The following LSAMP variants were observed in gnomAD, a reference collection of about 807,000 sequenced individuals.
LSAMP encodes limbic system associated membrane protein.
A neutral mutation model predicts 38.6 loss-of-function variants in LSAMP; 7 were observed. The ratio of observed to expected loss-of-function variants is 0.18; its 90% CI spans 0.10 to 0.34. The LOEUF (loss-of-function observed/expected upper bound fraction) is 0.34, where lower values mean the gene tolerates loss of function less well. Ranked by LOEUF, LSAMP falls within the 10% of genes least tolerant of loss-of-function variation. LSAMP has a pLI of 1.00. For missense variants in LSAMP, 313 were observed against 420.0 expected (o/e 0.75, Z 2.23); for synonymous variants, 154 against 166.8 (o/e 0.92, Z 0.59).
chr3:116,291,298 TGCCATATGGTTTG>T (rs1339117391), intron 1 of LSAMP, among the ~76,000 whole-genome samples: 1 of 152,168 alleles, frequency 6.6e-6, no homozygotes. Context: ...TTGAGGACTC[TGCCATATGGTTTG>T]GCCATATGGG....
intron 1 of LSAMP, among the ~76,000 whole-genome samples, chr3:116,435,453 T>C (rs1055527343): frequency 2.0e-5 from 3 of 151,888 alleles, no homozygotes; most frequent in Non-Finnish European, 4.4e-5. Flanking sequence ...CTGTTATTTC[T>C]CCTTATTCTG....
At chr3:115,832,441 A>C (rs185394567) in intron 6 of LSAMP, among the ~76,000 whole-genome samples, 1 of 152,224 alleles carries the variant, frequency 6.6e-6, no homozygotes, top group Non-Finnish European at 1.5e-5. Context: ...GATACCTTGC[A>C]TTATAGCTAT....
rs143671358 is a variant in LSAMP at position 115,964,779 on chromosome 3, A to G, written c.514+54736T>C. On this transcript the variant is annotated intron_variant, in intron 3 of 6. Transcript: ENST00000490035. Reference sequence around the variant, plus strand: ...TGAATGGGGATATTTCTAAAAAGGTAACATTAACAATAGTAACAATATTAT... The same window carrying G: ...TGAATGGGGATATTTCTAAAAAGGTGACATTAACAATAGTAACAATATTAT... Among the ~76,000 whole-genome samples the G allele has an allele frequency of 3.5e-3, 538 of 152,282 alleles. 6 individuals carry two copies. The highest frequency in any genetic ancestry group is 0.012 in the African/African-American group (505 of 41,574).
At chr3:116,158,237 C>T (rs1050411262) in intron 1 of LSAMP, among the ~76,000 whole-genome samples, 2 of 152,136 alleles carry the variant, frequency 1.3e-5, no homozygotes, top group African/African-American at 2.4e-5. Context: ...GACAAACCCA[C>T]AGCCAACATT....
chr3:116,400,214 T>C (rs2048820263), intron 1 of LSAMP, among the ~76,000 whole-genome samples: 1 of 152,160 alleles, frequency 6.6e-6, no homozygotes, highest in Admixed American at 6.5e-5. Context: ...GTTTCCCTTT[T>C]TTCTCACAGC....
chr3:115,879,334 C>T (rs1392275618), intron 3 of LSAMP, among the ~76,000 whole-genome samples: 2 of 152,036 alleles, frequency 1.3e-5, no homozygotes, highest in South Asian at 2.1e-4. Flanking sequence ...ATCATAAATA[C>T]ACAAATAAAA....
intron 1 of LSAMP, among the ~76,000 whole-genome samples, chr3:116,439,483 C>A (rs1024581942): frequency 7.9e-5 from 12 of 151,772 alleles, no homozygotes; most frequent in Admixed American, 6.6e-5. Context: ...GGAGGTCAAG[C>A]AATCTGCTAT....
chr3:116,249,413 T>G (rs1370705411), intron 1 of LSAMP, among the ~76,000 whole-genome samples: 1 of 150,356 alleles, frequency 6.7e-6, no homozygotes, highest in Non-Finnish European at 1.5e-5. Context: ...GAGATGGGAG[T>G]CTCACTCTGT....
At chr3:116,107,147 A>G (rs760620389) in intron 1 of LSAMP, among the ~76,000 whole-genome samples, 28 of 152,152 alleles carry the variant, frequency 1.8e-4, no homozygotes, top group Non-Finnish European at 3.4e-4. Context: ...GGCGGATCAG[A>G]GAGATACAGT....
At chr3:116,118,279 A>T (rs1263098128) in intron 1 of LSAMP, among the ~76,000 whole-genome samples, 1 of 152,100 alleles carries the variant, frequency 6.6e-6, no homozygotes, top group East Asian at 1.9e-4. Context: ...TCTTATTTTA[A>T]TTGCTCCCCA....
intron 1 of LSAMP, among the ~76,000 whole-genome samples, chr3:116,263,631 A>G (rs1685156289): frequency 6.6e-6 from 1 of 151,834 alleles, no homozygotes; most frequent in Non-Finnish European, 1.5e-5. Flanking sequence ...CTTCACTCCT[A>G]TAAAGCACAT....
chr3:115,835,758 C>T (rs1934761549), intron 6 of LSAMP, among the ~76,000 whole-genome samples: 1 of 152,182 alleles, frequency 6.6e-6, no homozygotes, highest in African/African-American at 2.4e-5. Flanking sequence ...CTTGCAGAGT[C>T]AGCTTTTCTC....
intron 1 of LSAMP, among the ~76,000 whole-genome samples, chr3:116,158,367 G>A (rs1327992903): frequency 6.6e-6 from 1 of 152,156 alleles, no homozygotes; most frequent in Non-Finnish European, 1.5e-5. Context: ...CATCAGGCAA[G>A]AGGAAGAAGT....
intron 1 of LSAMP, among the ~76,000 whole-genome samples, chr3:116,315,424 A>G (rs139083365): frequency 4.6e-5 from 7 of 152,266 alleles, no homozygotes; most frequent in African/African-American, 1.4e-4. Context: ...AAATTTACAT[A>G]TCTATGTTAG....
intron 1 of LSAMP, among the ~76,000 whole-genome samples, chr3:116,185,874 C>T (rs1012778563): frequency 6.7e-5 from 9 of 133,408 alleles, no homozygotes; most frequent in South Asian, 2.4e-4. Context: ...GGGTAAAAGG[C>T]GGGAAGGAGG....
intron 1 of LSAMP, among the ~76,000 whole-genome samples, chr3:116,255,334 A>G (rs2046735705): frequency 6.6e-6 from 1 of 152,222 alleles, no homozygotes; most frequent in African/African-American, 2.4e-5. Flanking sequence ...AAATCATACA[A>G]GAGAGAGAAA....
chr3:116,064,928 AT>A (rs1399648682), intron 2 of LSAMP, among the ~76,000 whole-genome samples: 1 of 152,228 alleles, frequency 6.6e-6, no homozygotes, highest in Non-Finnish European at 1.5e-5. Context: ...TAGATATGGC[AT>A]TTTGGCAAGT....
intron 6 of LSAMP, among the ~76,000 whole-genome samples, chr3:115,832,574 C>T (rs1044511014): frequency 6.6e-6 from 1 of 152,002 alleles, no homozygotes; most frequent in African/African-American, 2.4e-5. Context: ...GGGTTAACCT[C>T]GATTGGAAAG....
chr3:116,331,826 T>C (rs1269840116), intron 1 of LSAMP, among the ~76,000 whole-genome samples: 1 of 152,160 alleles, frequency 6.6e-6, no homozygotes, highest in Non-Finnish European at 1.5e-5. Context: ...CTTTTTATTT[T>C]CTTTCTTTCT....
Sources: gnomAD v4.1 joint callset for allele counts (sites outside exome capture counted in the v4.1 genomes callset) on GRCh38, gnomAD v4.1.1 for gene constraint, MANE v1.5 for transcripts, NCBI Gene and HGNC (gene_info 2026-07-23, HGNC 2026-07-21) for gene names.